Variants in ROBO2 observed in about 807,000 individuals in gnomAD.
ROBO2 encodes roundabout guidance receptor 2.
In ROBO2, 53 loss-of-function variants were observed where a neutral mutation model predicts 160.8. The observed-to-expected ratio is 0.33, with a 90% CI of 0.26 to 0.41. ROBO2 has a LOEUF of 0.41. ROBO2 is among the 10% of genes least tolerant of loss of function. The pLI is 1.00. For synonymous variants in ROBO2, 664 were observed against 611.7 expected, an observed-to-expected ratio of 1.09 and a Z score of -1.26; for missense variants, 1,577 against 1,722.4, an observed-to-expected ratio of 0.92 and a Z score of 1.49.
intron 2 of ROBO2, among the ~76,000 whole-genome samples, chr3:76,953,262 TAAAA>T (rs998681597): frequency 6.6e-6 from 1 of 152,010 alleles, no homozygotes; most frequent in Non-Finnish European, 1.5e-5. Flanking sequence ...TCGTTTAAAA[TAAAA>T]AAGATATGGT....
intron 2 of ROBO2, among the ~76,000 whole-genome samples, chr3:76,367,584 G>A (rs1576707011): frequency 6.6e-6 from 1 of 151,820 alleles, no homozygotes; most frequent in African/African-American, 2.4e-5. Flanking sequence ...AAAACAATTT[G>A]TTATTATAGT....
At chr3:76,770,283 C>A (rs2061809892) in intron 2 of ROBO2, among the ~76,000 whole-genome samples, 1 of 151,292 alleles carries the variant, frequency 6.6e-6, no homozygotes, top group Non-Finnish European at 1.5e-5. Flanking sequence ...TCTAGCTGTG[C>A]TCATAGTCTC....
At chr3:77,362,482 G>A (rs138015593) in intron 2 of ROBO2, among the ~76,000 whole-genome samples, 2 of 152,240 alleles carry the variant, frequency 1.3e-5, no homozygotes, top group East Asian at 3.9e-4. Flanking sequence ...CATATATTGA[G>A]AGTGATCAGG....
At chr3:76,914,400 G>A (rs1207663024) in intron 2 of ROBO2, among the ~76,000 whole-genome samples, 1 of 151,702 alleles carries the variant, frequency 6.6e-6, no homozygotes, top group Non-Finnish European at 1.5e-5. Context: ...TTAGAGAGTA[G>A]CAGAGAAATA....
intron 2 of ROBO2, among the ~76,000 whole-genome samples, chr3:76,538,773 T>TTGTTCCCA (rs1376676369): frequency 6.6e-6 from 1 of 152,178 alleles, no homozygotes; most frequent in Non-Finnish European, 1.5e-5. Context: ...AGAGTGTCTT[T>TTGTTCCCA]TGTTCCCACC....
intron 2 of ROBO2, among the ~76,000 whole-genome samples, chr3:76,078,837 T>G (rs2068726882): frequency 6.6e-6 from 1 of 152,224 alleles, no homozygotes; most frequent in Admixed American, 6.5e-5. Context: ...GTTTTACTAA[T>G]TTACATTTCT....
At chr3:75,924,469 G>C (rs1440419917) in intron 1 of ROBO2, among the ~76,000 whole-genome samples, 4 of 151,860 alleles carry the variant, frequency 2.6e-5, no homozygotes, top group African/African-American at 9.7e-5. Context: ...ATATAGACTT[G>C]ATGATAACTC....
chr3:76,788,836 G>C (rs2063164484), intron 2 of ROBO2, among the ~76,000 whole-genome samples: 1 of 151,392 alleles, frequency 6.6e-6, no homozygotes, highest in Non-Finnish European at 1.5e-5. Flanking sequence ...AGCAAGCTAG[G>C]GGATACTAAG....
chr3:76,451,874 G>A (rs576888484), intron 2 of ROBO2, among the ~76,000 whole-genome samples: 2 of 152,242 alleles, frequency 1.3e-5, no homozygotes, highest in South Asian at 4.1e-4. Flanking sequence ...CAAGAAGATT[G>A]TAATATGATC....
intron 2 of ROBO2, among the ~76,000 whole-genome samples, chr3:76,470,413 C>T (rs1275037562): frequency 6.6e-6 from 1 of 152,114 alleles, no homozygotes; most frequent in African/African-American, 2.4e-5. Flanking sequence ...TGACCAGGAT[C>T]ATAGTCATCT....
At chr3:76,436,176 A>ACACACACACACACACACACACACC (rs1034830235) in intron 2 of ROBO2, among the ~76,000 whole-genome samples, 8 of 150,764 alleles carry the variant, frequency 5.3e-5, no homozygotes, top group African/African-American at 1.7e-4. Context: ...ACACACACAC[A>ACACACACACACACACACACACACC]CACACCATTT....
intron 2 of ROBO2, among the ~76,000 whole-genome samples, chr3:76,187,146 T>C (rs1701805038): frequency 6.6e-6 from 1 of 152,120 alleles, no homozygotes; most frequent in South Asian, 2.1e-4. Flanking sequence ...ACCTCTGGCC[T>C]AGGCACTTCT....
At chr3:76,580,858 TA>T (rs528114149) in intron 2 of ROBO2, among the ~76,000 whole-genome samples, 2 of 151,992 alleles carry the variant, frequency 1.3e-5, no homozygotes, top group African/African-American at 2.4e-5. Flanking sequence ...TTCTGAAAGA[TA>T]AAAAAAACTG....
rs567267696 is a variant in ROBO2 at position 76,416,043 on chromosome 3, T to C, written c.109+478441T>C. ...CAGGAGCTGATCCGTGAACTTTCCC[T>C]TAAAACAAGATGATAAATGGCCTAT... On this transcript the variant is annotated intron_variant, in intron 2 of 26. Coordinates refer to the ROBO2 transcript ENST00000487694. Among the ~76,000 whole-genome samples the C allele has an allele frequency of 1.6e-3, 243 of 152,306 alleles. 2 individuals carry two copies. Among genetic ancestry groups the C allele is most frequent in the African/African-American group, 5.6e-3 (233 of 41,578 alleles).
At chr3:77,334,075 A>T (rs922009193) in intron 2 of ROBO2, among the ~76,000 whole-genome samples, 9 of 152,226 alleles carry the variant, frequency 5.9e-5, no homozygotes, top group Non-Finnish European at 1.3e-4. Flanking sequence ...TAAAACTAAC[A>T]GGTACTTCTC....
rs1233663434 is a variant in ROBO2 at position 76,047,716 on chromosome 3, T to C, written c.109+110114T>C. Reference sequence around the variant, plus strand: ...TCCAGTCTTGAGACCAGAGACAATATGCCTGCGTGCATGATGTATGTCTGG... The same window carrying C: ...TCCAGTCTTGAGACCAGAGACAATACGCCTGCGTGCATGATGTATGTCTGG... On this transcript the variant is annotated intron_variant, in intron 2 of 26. Transcript: ENST00000487694. Among the ~76,000 whole-genome samples, 6 of 152,246 alleles carry C rather than the reference T, an allele frequency of 3.9e-5. No homozygotes were observed. In the East Asian group the frequency reaches 1.2e-3, roughly 29 times the overall value.
At chr3:76,347,965 C>G (rs1386700639) in intron 2 of ROBO2, among the ~76,000 whole-genome samples, 8 of 152,140 alleles carry the variant, frequency 5.3e-5, no homozygotes, top group African/African-American at 1.9e-4. Flanking sequence ...CGGATGAAGT[C>G]TAAAGCTAAA....
intron 2 of ROBO2, among the ~76,000 whole-genome samples, chr3:76,008,674 AC>A (rs1377884713): frequency 6.6e-6 from 1 of 152,152 alleles, no homozygotes; most frequent in Non-Finnish European, 1.5e-5. Flanking sequence ...CACATTGAAT[AC>A]CTATTGTAAG....
At chr3:77,198,053 A>G (rs1047242150) in intron 2 of ROBO2, among the ~76,000 whole-genome samples, 8 of 152,244 alleles carry the variant, frequency 5.3e-5, no homozygotes, top group Admixed American at 2.6e-4. Flanking sequence ...CACCCAGTAC[A>G]GTGCCTGACA....
Sources: gnomAD v4.1 joint callset for allele counts (sites outside exome capture counted in the v4.1 genomes callset) on GRCh38, gnomAD v4.1.1 for gene constraint, MANE v1.5 for transcripts, NCBI Gene and HGNC (gene_info 2026-07-23, HGNC 2026-07-21) for gene names.